The following GPC6 variants were observed in gnomAD, a reference collection of about 807,000 sequenced individuals.
GPC6 encodes the protein glypican-6.
In GPC6, 14 loss-of-function variants were observed where a neutral mutation model predicts 55.2. That is an observed-to-expected ratio of 0.25 (90% CI 0.17 to 0.40). GPC6 has a LOEUF of 0.40. Ranked by LOEUF, GPC6 falls within the 10% of genes least tolerant of loss-of-function variation. The pLI, the probability that GPC6 is intolerant of heterozygous loss-of-function variation, is 1.00. For missense variants in GPC6, 641 were observed against 708.5 expected (o/e 0.90, Z 1.08); for synonymous variants, 278 against 259.6 (o/e 1.07, Z -0.68).
chr13:93,459,384 G>A (rs1276818932), intron 1 of GPC6, among the ~76,000 whole-genome samples: 9 of 152,172 alleles, frequency 5.9e-5, no homozygotes. Context: ...TCCTTTTTAA[G>A]GAAAGATCTG....
intron 3 of GPC6, among the ~76,000 whole-genome samples, chr13:94,018,683 C>A (rs1882580208): frequency 6.6e-6 from 1 of 152,156 alleles, no homozygotes; most frequent in Non-Finnish European, 1.5e-5. Flanking sequence ...TTGTCTATAG[C>A]AGGGGTCCCC....
In GPC6 at chr13:93,875,072, C is replaced by G. The variant is rs542663431; in HGVS notation, c.711+44527C>G. On this transcript the variant is annotated intron_variant, in intron 3 of 8. Transcript: ENST00000377047. ...AAATGAGTTAGCTGATAAATTGATT[C>G]AATTAATAGTGTTGGGCTTTCTTCC... Among the ~76,000 whole-genome samples the G allele has an allele frequency of 2.6e-5, 4 of 151,962 alleles. No individual in the cohort carries two copies. The South Asian group carries it at 8.3e-4, about 32-fold the overall frequency.
chr13:93,590,359 A>G (rs1451903721), intron 2 of GPC6, among the ~76,000 whole-genome samples: 1 of 152,172 alleles, frequency 6.6e-6, no homozygotes, highest in Non-Finnish European at 1.5e-5. Context: ...AGAGTTTCCC[A>G]TTTATTTTAA....
chr13:93,231,382 T>TATATATATATATATATATATAC (rs1876033448), intron 1 of GPC6, among the ~76,000 whole-genome samples: 1 of 26,786 alleles, frequency 3.7e-5, no homozygotes, highest in Non-Finnish European at 6.5e-5. Flanking sequence ...TATATATACA[T>TATATATATATATATATATATAC]ATATATATAT....
intron 1 of GPC6, among the ~76,000 whole-genome samples, chr13:93,307,541 A>G (rs1400183632): frequency 6.6e-6 from 1 of 152,130 alleles, no homozygotes; most frequent in African/African-American, 2.4e-5. Context: ...ACTCATACCT[A>G]TGTATGGAAA....
chr13:93,406,556 A>C (rs771584995), intron 1 of GPC6, among the ~76,000 whole-genome samples: 5 of 152,230 alleles, frequency 3.3e-5, no homozygotes, highest in African/African-American at 4.8e-5. Flanking sequence ...TTTTTGAACA[A>C]TAACTTCATG....
chr13:93,393,592 T>C (rs1449796689), intron 1 of GPC6, among the ~76,000 whole-genome samples: 2 of 152,172 alleles, frequency 1.3e-5, no homozygotes, highest in Admixed American at 6.6e-5. Flanking sequence ...ATGTTGCATA[T>C]GTTAGAAAGC....
chr13:94,100,940 C>T (rs1885835385), intron 4 of GPC6, among the ~76,000 whole-genome samples: 1 of 152,164 alleles, frequency 6.6e-6, no homozygotes, highest in African/African-American at 2.4e-5. Flanking sequence ...GGGGATATTA[C>T]AGTCAATAGG....
intron 1 of GPC6, among the ~76,000 whole-genome samples, chr13:93,396,044 C>G (rs1875843102): frequency 6.6e-6 from 1 of 152,090 alleles, no homozygotes; most frequent in Admixed American, 6.6e-5. Context: ...TACTTTATAT[C>G]CTGGAGAAGA....
At chr13:93,768,271 T>C (rs768856038) in intron 2 of GPC6, among the ~76,000 whole-genome samples, 21 of 152,190 alleles carry the variant, frequency 1.4e-4, no homozygotes, top group Non-Finnish European at 2.1e-4. Context: ...ATTGCCAACC[T>C]GTAGAGCAAA....
chr13:93,321,047 A>C (rs1276554363), intron 1 of GPC6, among the ~76,000 whole-genome samples: 2 of 152,160 alleles, frequency 1.3e-5, no homozygotes, highest in Non-Finnish European at 2.9e-5. Context: ...CCAGGTCAGC[A>C]TCTAGTCTAT....
At chr13:93,904,968 T>C (rs1008362078) in intron 3 of GPC6, among the ~76,000 whole-genome samples, 1 of 133,558 alleles carries the variant, frequency 7.5e-6, no homozygotes, top group African/African-American at 2.8e-5. Context: ...GATGTTCCCC[T>C]TCCTGTGTCC....
rs573792699 is a variant in GPC6, at chr13:94,087,234, T to C, written c.877+59340T>C. The stretch of plus-strand genomic sequence containing the variant: ...AAATTCTGCCTTTCATATTTGGAGA[T>C]ATGCCAAGAATCAGAGGGCGGAGAC... On this transcript the variant is annotated intron_variant, in intron 4 of 8. Coordinates refer to ENST00000377047, the MANE Select transcript of GPC6 (RefSeq NM_005708.5). Among the ~76,000 whole-genome samples the C allele has an allele frequency of 1.6e-4, 24 of 152,312 alleles. No homozygotes were observed. The South Asian group carries it at 4.6e-3, about 29-fold the overall frequency.
intron 3 of GPC6, among the ~76,000 whole-genome samples, chr13:93,927,452 A>G (rs188077621): frequency 2.0e-5 from 3 of 152,224 alleles, no homozygotes; most frequent in African/African-American, 4.8e-5. Context: ...AATCTGACCA[A>G]TTTAATTGAT....
At chr13:94,359,715 C>G (rs924367355) in intron 6 of GPC6, among the ~76,000 whole-genome samples, 2 of 151,892 alleles carry the variant, frequency 1.3e-5, no homozygotes, top group African/African-American at 4.8e-5. Context: ...TGCTTAGCTA[C>G]CAAATCTATT....
intron 1 of GPC6, among the ~76,000 whole-genome samples, chr13:93,458,231 C>A (rs1878544587): frequency 6.6e-6 from 1 of 152,106 alleles, no homozygotes; most frequent in African/African-American, 2.4e-5. Context: ...TACACAGTAA[C>A]TTTCTATATG....
At chr13:93,651,460 A>G (rs562826525) in intron 2 of GPC6, among the ~76,000 whole-genome samples, 3 of 152,312 alleles carry the variant, frequency 2.0e-5, no homozygotes, top group African/African-American at 7.2e-5. Context: ...CCAGCGACTT[A>G]CATGTCACCT....
chr13:93,990,960 AGAAG>A (rs148428200), intron 3 of GPC6, among the ~76,000 whole-genome samples: 5,837 of 150,382 alleles, frequency 0.039, 346 homozygotes, highest in African/African-American at 0.13. Flanking sequence ...AAGGAAGGAA[AGAAG>A]GAAGGAAGGA....
intron 2 of GPC6, among the ~76,000 whole-genome samples, chr13:93,655,952 T>C (rs1035534086): frequency 6.6e-6 from 1 of 152,192 alleles, no homozygotes; most frequent in African/African-American, 2.4e-5. Flanking sequence ...TTTATTCTTT[T>C]GATAAAATAT....
Sources: gnomAD v4.1 joint callset for allele counts (sites outside exome capture counted in the v4.1 genomes callset) on GRCh38, gnomAD v4.1.1 for gene constraint, MANE v1.5 for transcripts, NCBI Gene and HGNC (gene_info 2026-07-23, HGNC 2026-07-21) for gene names.